Variants in CEP135 observed in about 807,000 individuals in gnomAD.
CEP135 encodes the protein centrosomal protein 135.
In CEP135, 142 loss-of-function variants were observed where a neutral mutation model predicts 157.3. The observed-to-expected ratio is 0.90, with a 90% CI of 0.79 to 1.04. The LOEUF (loss-of-function observed/expected upper bound fraction) is 1.04, where lower values mean the gene tolerates loss of function less well. Among genes scored for constraint, CEP135 ranks in the 50% least tolerant of loss-of-function variants. The pLI, the probability that CEP135 is intolerant of heterozygous loss-of-function variation, is 0.00. For missense variants in CEP135, 1,317 were observed against 1,309.2 expected, an observed-to-expected ratio of 1.01 and a Z score of -0.09; for synonymous variants, 396 against 439.8, an observed-to-expected ratio of 0.90 and a Z score of 1.25.
Position 56,031,610 on chromosome 4 carries a change from A to G in CEP135, c.*262A>G, listed in dbSNP as rs1314899132. 1 of 152,356 alleles carries G rather than the reference A, an allele frequency of 6.6e-6. No individual in the cohort carries two copies. Among genetic ancestry groups the G allele is most frequent in the African/African-American group, 2.4e-5 (1 of 41,474 alleles). The allele number at this position is 152,356 out of a possible 1,614,324, so 9.4% of individuals were successfully genotyped here. ...TAATGTATCTATATTTTTATTATTC[A>G]TGAATTAAATTACTAAAAGTATGTT... On this transcript the variant is annotated 3_prime_UTR_variant, in exon 26 of 26. Transcript: ENST00000257287.
intron 19 of CEP135, 73 bp downstream of exon 19, chr4:56,009,976 T>A (rs1283363341): frequency 1.4e-6 from 2 of 1,415,844 alleles, no homozygotes; most frequent in Admixed American, 2.2e-5. Context: ...GCTCTAAATA[T>A]TTTTTCTAAA....
chr4:56,001,543 C>T (rs778200812), intron 17 of CEP135, among the ~76,000 whole-genome samples: 4 of 152,124 alleles, frequency 2.6e-5, no homozygotes, highest in Non-Finnish European at 4.4e-5. Context: ...TTCTTGGCAT[C>T]TTGTTGAAAA....
At chr4:56,008,492 C>T (rs972955348) in intron 18 of CEP135, 110 bp downstream of exon 18, 4 of 849,098 alleles carry the variant, frequency 4.7e-6, no homozygotes, top group Non-Finnish European at 7.4e-6. Flanking sequence ...TCAATTTCCC[C>T]ATTTTTGTCA....
At position 56,008,396 on chromosome 4, in the gene CEP135, G is replaced by A. The variant is rs747149800; in HGVS notation, c.2336+14G>A. 2 of 1,595,064 alleles carry A rather than the reference G, an allele frequency of 1.3e-6. No individual in the cohort carries two copies. Among genetic ancestry groups the A allele is most frequent in the South Asian group, 2.3e-5 (2 of 88,734 alleles). ...ATCATCTGTGAAGTAAGTCATTAAT[G>A]AAATTACATCCAGCTTTTTAGGAGA... On this transcript the variant is annotated intron_variant, in intron 18 of 25. Coordinates refer to ENST00000257287, the MANE Select transcript of CEP135 (RefSeq NM_025009.5).
In CEP135 at chr4:56,033,225, A is replaced by T. The variant is rs1731422297; in HGVS notation, c.*1877A>T. The T allele has an allele frequency of 1.3e-5, 2 of 152,106 alleles. No homozygotes were observed. Among genetic ancestry groups the T allele is most frequent in the African/African-American group, 4.8e-5 (2 of 41,448 alleles). The allele number at this position is 152,106 out of a possible 1,614,324, so 9.4% of individuals were successfully genotyped here. On this transcript the variant is annotated 3_prime_UTR_variant, in exon 26 of 26. Coordinates refer to ENST00000257287, the MANE Select transcript of CEP135 (RefSeq NM_025009.5). ...ATAGCCTGCCAAATGTTGTTTTCAT[A>T]ACCATGATATTGTTTTGAAAAAATT... is the stretch of plus-strand genomic sequence containing the variant.
intron 10 of CEP135, among the ~76,000 whole-genome samples, chr4:55,972,657 G>T (rs995885076): frequency 6.6e-5 from 10 of 152,202 alleles, no homozygotes; most frequent in African/African-American, 2.4e-4. Context: ...TATCTGTGGG[G>T]CTAATGATGA....
Position 55,953,103 on chromosome 4 carries a change from T to C in CEP135, c.132T>C (p.Thr44=), listed in dbSNP as rs1271622074. ...CTTTTAGCGACTTAGTTCATACAAC[T>C]GAGAGCCTTCGGCAATCAAAATTAT... is the stretch of plus-strand genomic sequence containing the variant. ...EKLFSDLVHT[T]ESLRQSKLSA... is the part of the protein sequence containing the mutation. The change falls in exon 3 of 26, where the codon ACT becomes ACC. Residue 44 remains threonine, a synonymous_variant. Transcript: ENST00000257287. 6.3e-7 allele frequency: 1 copy of C among 1,586,586 alleles called. No individual in the cohort carries two copies. The highest frequency in any genetic ancestry group is 1.4e-5 in the African/African-American group (1 of 72,962).
intron 8 of CEP135, chr4:55,966,555 C>G (rs7657221): frequency 0.21 from 31,675 of 152,414 alleles, 4,057 homozygotes; most frequent in East Asian, 0.34. Flanking sequence ...ACAATCATAG[C>G]TCACTGCAGC....
chr4:55,964,089 G>A (rs2702353), intron 6 of CEP135, among the ~76,000 whole-genome samples, 185 bp from the exon 7 acceptor site: 1 of 152,212 alleles, frequency 6.6e-6, no homozygotes. Context: ...CATGTCTGTT[G>A]ACATTTTCTA....
At chr4:55,981,908 T>C (rs1729424446) in intron 13 of CEP135, among the ~76,000 whole-genome samples, 1 of 152,190 alleles carries the variant, frequency 6.6e-6, no homozygotes, top group Non-Finnish European at 1.5e-5. Flanking sequence ...TAAAGTCTTA[T>C]ATTGAAAAAT....
intron 13 of CEP135, among the ~76,000 whole-genome samples, chr4:55,982,416 C>T (rs756693741): frequency 3.9e-5 from 6 of 152,172 alleles, no homozygotes; most frequent in Non-Finnish European, 5.9e-5. Flanking sequence ...TCTAATTTCT[C>T]CACACTCTCA....
chr4:56,015,041 C>CA (rs1187845734), intron 21 of CEP135, among the ~76,000 whole-genome samples: 10 of 149,714 alleles, frequency 6.7e-5, no homozygotes, highest in African/African-American at 9.8e-5. Context: ...GACCTTGTCT[C>CA]AAAAAAAAGG....
chr4:55,989,107 T>C (rs1729703166), intron 14 of CEP135, among the ~76,000 whole-genome samples: 1 of 152,186 alleles, frequency 6.6e-6, no homozygotes, highest in African/African-American at 2.4e-5. Flanking sequence ...TCACTAATTG[T>C]TTCTCAGACT....
chr4:56,016,682 T>G (rs1730786027), intron 21 of CEP135, among the ~76,000 whole-genome samples: 1 of 148,354 alleles, frequency 6.7e-6, no homozygotes, highest in African/African-American at 2.5e-5. Context: ...ATTTGTGGAG[T>G]TTTTTTTTTA....
intron 11 of CEP135, 82 bp from the exon 12 acceptor site, chr4:55,980,061 A>G: frequency 8.9e-7 from 1 of 1,119,650 alleles, no homozygotes; most frequent in South Asian, 1.4e-5. Context: ...GTCTGGTAGC[A>G]TCTTTCAGTC....
chr4:55,965,892 T>C (rs1243154271), intron 8 of CEP135, 33 bp downstream of exon 8: 1 of 1,524,596 alleles, frequency 6.6e-7, no homozygotes, highest in Non-Finnish European at 9.0e-7. Context: ...TGTGAGAGTG[T>C]TCATTAATTC....
In CEP135 at chr4:55,998,658, A is replaced by G. The variant is rs777425072; in HGVS notation, c.2010-644A>G. 4.6e-5 allele frequency among the ~76,000 whole-genome samples: 7 copies of G among 152,216 alleles called. No individual in the cohort carries two copies. In the South Asian group the frequency reaches 1.2e-3, roughly 27 times the overall value. ...GGCAGATGGATTGCTTGAGCTCAGG[A>G]GTTTGAGACCAGCCTGGGCAACATG... is the stretch of plus-strand genomic sequence containing the variant. On this transcript the variant is annotated intron_variant, in intron 15 of 25. Transcript: ENST00000257287.
At chr4:56,009,169 T>C (rs1409210172) in intron 18 of CEP135, among the ~76,000 whole-genome samples, 1 of 152,176 alleles carries the variant, frequency 6.6e-6, no homozygotes, top group African/African-American at 2.4e-5. Flanking sequence ...TTGTTGTTGT[T>C]TTTTGTTGTT....
chr4:56,000,340 G>A (rs991788712), intron 17 of CEP135, among the ~76,000 whole-genome samples: 2 of 152,118 alleles, frequency 1.3e-5, no homozygotes, highest in Non-Finnish European at 2.9e-5. Context: ...CTTTATGCTA[G>A]GAATGTGTAA....
Sources: allele counts gnomAD v4.1 joint callset (sites outside exome capture counted in the v4.1 genomes callset), GRCh38; gene constraint gnomAD v4.1.1; transcripts MANE v1.5; gene names NCBI Gene and HGNC (gene_info 2026-07-23, HGNC 2026-07-21).